The following LNPEP variants were observed in gnomAD, a reference collection of about 807,000 sequenced individuals.
LNPEP encodes leucyl and cystinyl aminopeptidase.
LNPEP carries 64 observed loss-of-function variants against 120.6 expected under a neutral mutation model. The observed-to-expected ratio is 0.53, with a 90% CI of 0.43 to 0.65. The LOEUF is 0.65. Ranked by LOEUF, LNPEP falls within the 30% of genes least tolerant of loss-of-function variation. The pLI is 0.00. For missense variants in LNPEP, 1,057 were observed against 1,200.0 expected (o/e 0.88, Z 1.76); for synonymous variants, 435 against 425.4 (o/e 1.02, Z -0.28).
At chr5:96,980,515 G>A (rs1790098002) in intron 2 of LNPEP, among the ~76,000 whole-genome samples, 1 of 151,982 alleles carries the variant, frequency 6.6e-6, no homozygotes, top group Admixed American at 6.6e-5. Context: ...TAAGGTCTAG[G>A]AGAGACTTAA....
chr5:97,020,907 A>G (rs532380894), intron 13 of LNPEP, among the ~76,000 whole-genome samples: 5 of 152,298 alleles, frequency 3.3e-5, no homozygotes, highest in Middle Eastern at 3.4e-3. Context: ...TTAAAATATC[A>G]TGTGCCCTCA....
intron 11 of LNPEP, chr5:97,011,187 G>A (rs1032505727): frequency 3.0e-6 from 3 of 985,080 alleles, no homozygotes; most frequent in Non-Finnish European, 3.6e-6. Flanking sequence ...GGGAGACTTG[G>A]GTCTCTGTAG....
chr5:96,974,640 AAAG>A (rs1341429766), intron 1 of LNPEP, among the ~76,000 whole-genome samples: 36 of 152,206 alleles, frequency 2.4e-4, no homozygotes, highest in African/African-American at 7.2e-4. Context: ...ACATACCTTC[AAAG>A]AATAGTCTGC....
At chr5:97,013,617 C>G in intron 11 of LNPEP, 31 bp from the exon 12 acceptor site, 1 of 1,311,444 alleles carries the variant, frequency 7.6e-7, no homozygotes, top group East Asian at 2.7e-5. Flanking sequence ...TGTCTTCTCT[C>G]TCAATCTCTC....
In LNPEP at chr5:96,986,577, T is replaced by C; in HGVS notation, c.1038T>C (p.Asp346=). Residue 346 remains aspartate (D), a synonymous_variant, in exon 4 of 18, where the codon GAT becomes GAC. Coordinates refer to ENST00000231368, the MANE Select transcript of LNPEP (RefSeq NM_005575.3). ...TTCTAGATGATGGACTTGTTCAGGA[T>C]GAGTTTTCTGAGAGTGTGAAGATGA... The part of the protein sequence containing the change: ...SVVLDDGLVQ[D]EFSESVKMST... 3 of 1,613,622 alleles carry C rather than the reference T, an allele frequency of 1.9e-6. No individual in the cohort carries two copies. Among genetic ancestry groups the C allele is most frequent in the Non-Finnish European group, 8.5e-7 (1 of 1,179,608 alleles).
rs1381732909 is a variant in LNPEP at position 97,031,914 on chromosome 5, G to T, written c.*3381G>T. The T allele has an allele frequency of 6.6e-6, 1 of 152,038 alleles. No homozygotes were observed. Among genetic ancestry groups the T allele is most frequent in the Admixed American group, 6.6e-5 (1 of 15,262 alleles). 9.4% of individuals were successfully genotyped at this position (152,038 alleles called of 1,614,324 possible). On this transcript the variant is annotated 3_prime_UTR_variant, in exon 18 of 18. Coordinates refer to ENST00000231368, the MANE Select transcript of LNPEP (RefSeq NM_005575.3). ...CAAAAAACAAAAAAAAAAGAGTTAAGTGTTGATTTTGTTGGATTACTGACA... is the reference window on the plus strand; with the variant it reads ...CAAAAAACAAAAAAAAAAGAGTTAATTGTTGATTTTGTTGGATTACTGACA...
chr5:96,998,329 T>C (rs1311633521), intron 8 of LNPEP, among the ~76,000 whole-genome samples, 184 bp downstream of exon 8: 1 of 152,200 alleles, frequency 6.6e-6, no homozygotes, highest in Non-Finnish European at 1.5e-5. Flanking sequence ...TTTTTTTCTT[T>C]CTCTGACTCT....
chr5:96,944,580 T>TC (rs1355364968), intron 1 of LNPEP, among the ~76,000 whole-genome samples: 1 of 131,234 alleles, frequency 7.6e-6, no homozygotes, highest in East Asian at 2.1e-4. Flanking sequence ...TTTTTTTTTT[T>TC]TTTTTTGAGA....
At position 97,029,884 on chromosome 5, in the gene LNPEP, A is replaced by T. The variant is rs1000599681; in HGVS notation, c.*1351A>T. ...TTGAATTTTTGAGCTATGCAGACTT[A>T]TACCTAGATTGTTGTGTTTCTTTGA... On this transcript the variant is annotated 3_prime_UTR_variant, in exon 18 of 18. Transcript: ENST00000231368. The T allele has an allele frequency of 6.6e-6, 1 of 152,170 alleles. No individual in the cohort carries two copies. The highest frequency in any genetic ancestry group is 1.5e-5 in the Non-Finnish European group (1 of 68,002). 9.4% of individuals were successfully genotyped at this position (152,170 alleles called of 1,614,324 possible). A position where few individuals can be genotyped will look rare whatever the true frequency, so the allele number is the denominator to read the frequency against.
intron 14 of LNPEP, 61 bp downstream of exon 14, chr5:97,022,545 G>A (rs1276914085): frequency 7.8e-7 from 1 of 1,279,128 alleles, no homozygotes; most frequent in African/African-American, 1.5e-5. Flanking sequence ...ATCATATACA[G>A]TATCCAGGGT....
At chr5:96,944,791 T>C (rs2882560) in intron 1 of LNPEP, among the ~76,000 whole-genome samples, 151,944 of 151,948 alleles carry the variant, frequency 1, 75,970 homozygotes, top group Middle Eastern at 1. Context: ...AGGGTGGTCT[T>C]GAACTCCTGG....
intron 17 of LNPEP, 52 bp downstream of exon 17, chr5:97,027,866 G>A (rs767608792): frequency 1.1e-5 from 12 of 1,043,822 alleles, no homozygotes; most frequent in Admixed American, 3.4e-5. Context: ...CCGCACACCC[G>A]GACCAGGCTG....
intron 14 of LNPEP, among the ~76,000 whole-genome samples, chr5:97,023,068 T>A (rs1364315842): frequency 6.6e-6 from 1 of 151,862 alleles, no homozygotes; most frequent in African/African-American, 2.4e-5. Context: ...AATTCCTCAC[T>A]CCCTCTCCCC....
intron 8 of LNPEP, among the ~76,000 whole-genome samples, chr5:97,003,173 T>C (rs903645422): frequency 1.1e-4 from 16 of 152,308 alleles, no homozygotes; most frequent in African/African-American, 3.8e-4. Flanking sequence ...GAATGACTCA[T>C]GGTTAGAATA....
rs1047672138 is a variant in LNPEP at position 97,026,609 on chromosome 5, C to A, written c.2724-8C>A. ...AATTTTGGAGGCTAAATCTGCTTTGCTCTTCAGGTTAATGAAAAGTAGCCT... is the reference window on the plus strand; with the variant it reads ...AATTTTGGAGGCTAAATCTGCTTTGATCTTCAGGTTAATGAAAAGTAGCCT... On this transcript the variant is annotated splice_polypyrimidine_tract_variant and splice_region_variant and intron_variant, in intron 15 of 17. Transcript: ENST00000231368. The A allele has an allele frequency of 3.7e-6, 6 of 1,609,500 alleles. No homozygotes were observed. The highest frequency in any genetic ancestry group is 3.4e-5 in the Admixed American group (2 of 59,552).
In LNPEP at chr5:97,031,782, C is replaced by T. The variant is rs1791473520; in HGVS notation, c.*3249C>T. ...GGTGCACACCTGTAATCCCAGCTACCTGGGAGGCACGAGAATCACTTGAAC... is the reference window on the plus strand; with the variant it reads ...GGTGCACACCTGTAATCCCAGCTACTTGGGAGGCACGAGAATCACTTGAAC... On this transcript the variant is annotated 3_prime_UTR_variant, in exon 18 of 18. Coordinates refer to ENST00000231368, the MANE Select transcript of LNPEP (RefSeq NM_005575.3). 6.6e-6 allele frequency: 1 copy of T among 152,234 alleles called. No homozygotes were observed. The highest frequency in any genetic ancestry group is 2.1e-4 in the South Asian group (1 of 4,824). The allele number at this position is 152,234 out of a possible 1,614,324, so 9.4% of individuals were successfully genotyped here.
intron 1 of LNPEP, among the ~76,000 whole-genome samples, chr5:96,965,551 ATATT>A (rs1475152058): frequency 1.3e-5 from 2 of 152,190 alleles, no homozygotes; most frequent in Admixed American, 6.6e-5. Flanking sequence ...TAATGACACA[ATATT>A]TAATTATTAT....
At chr5:96,943,573 C>T (rs879433970) in intron 1 of LNPEP, among the ~76,000 whole-genome samples, 39 of 152,254 alleles carry the variant, frequency 2.6e-4, no homozygotes, top group Non-Finnish European at 4.4e-4. Flanking sequence ...AGGTGTGAGC[C>T]AGTGCGGCCC....
chr5:97,004,277 G>T (rs1790725653), intron 9 of LNPEP, among the ~76,000 whole-genome samples: 1 of 152,202 alleles, frequency 6.6e-6, no homozygotes, highest in African/African-American at 2.4e-5. Flanking sequence ...CACTTTGGGA[G>T]GCCAAGGCAG....
Sources: allele counts gnomAD v4.1 joint callset (sites outside exome capture counted in the v4.1 genomes callset), GRCh38; gene constraint gnomAD v4.1.1; transcripts MANE v1.5; gene names NCBI Gene and HGNC (gene_info 2026-07-23, HGNC 2026-07-21).